The following BCL7A variants were observed in gnomAD, a reference collection of about 807,000 sequenced individuals.
BCL7A encodes B-cell CLL/lymphoma 7 protein family member A.
BCL7A carries 11 observed loss-of-function variants against 28.4 expected under a neutral mutation model. The observed-to-expected ratio is 0.39, with a 90% CI of 0.24 to 0.64. The LOEUF is 0.64. Ranked by LOEUF, BCL7A falls within the 30% of genes least tolerant of loss-of-function variation. The pLI, the probability that BCL7A is intolerant of heterozygous loss-of-function variation, is 0.50. For synonymous variants in BCL7A, 123 were observed against 103.3 expected (o/e 1.19, Z -1.15); for missense variants, 222 against 274.8 (o/e 0.81, Z 1.36).
chr12:122,041,740 G>A (rs1002313015), intron 3 of BCL7A, among the ~76,000 whole-genome samples: 5 of 152,118 alleles, frequency 3.3e-5, no homozygotes, highest in Non-Finnish European at 5.9e-5. Flanking sequence ...CTCCAGCCTG[G>A]GCAACAGAGC....
At chr12:122,052,872 G>T (rs57519437) in intron 4 of BCL7A, among the ~76,000 whole-genome samples, 7 of 104,092 alleles carry the variant, frequency 6.7e-5, no homozygotes, top group Middle Eastern at 3.8e-3. Flanking sequence ...TTTAGTCGGG[G>T]GGGGGGGGGG....
intron 2 of BCL7A, 150 bp downstream of exon 2, chr12:122,030,931 G>A: frequency 1.3e-6 from 1 of 762,290 alleles, no homozygotes; most frequent in African/African-American, 1.7e-5. Context: ...GACCTGGGGA[G>A]GCTGCTGTAC....
chr12:122,048,064 C>T (rs374529814), intron 4 of BCL7A, among the ~76,000 whole-genome samples: 13 of 152,056 alleles, frequency 8.5e-5, no homozygotes, highest in Admixed American at 6.6e-4. Context: ...CCCCCACACC[C>T]GGCTAACTTT....
chr12:122,034,635 C>G (rs939493229), intron 2 of BCL7A, among the ~76,000 whole-genome samples: 1 of 151,136 alleles, frequency 6.6e-6, no homozygotes, highest in Non-Finnish European at 1.5e-5. Flanking sequence ...ATTTGGGAGG[C>G]TGAGGCAGAA....
At chr12:122,051,083 C>T (rs796536242) in intron 4 of BCL7A, among the ~76,000 whole-genome samples, 36 of 152,290 alleles carry the variant, frequency 2.4e-4, no homozygotes, top group African/African-American at 8.4e-4. Flanking sequence ...GCTCTAGAAG[C>T]CCGATTTGAG....
chr12:122,024,177 G>A (rs1355074953), intron 1 of BCL7A, among the ~76,000 whole-genome samples: 1 of 152,350 alleles, frequency 6.6e-6, no homozygotes, highest in African/African-American at 2.4e-5. Flanking sequence ...GCCTCCCTGG[G>A]TTTGGGGAAA....
At chr12:122,035,456 C>CTG (rs755644463) in intron 3 of BCL7A, 29 bp downstream of exon 3, 20 of 1,592,884 alleles carry the variant, frequency 1.3e-5, no homozygotes, top group Non-Finnish European at 1.5e-5. Flanking sequence ...CCAGCCTCTC[C>CTG]TGCCCAGCCC....
chr12:122,028,530 T>C (rs1194132891), intron 1 of BCL7A, among the ~76,000 whole-genome samples: 1 of 152,094 alleles, frequency 6.6e-6, no homozygotes, highest in Non-Finnish European at 1.5e-5. Context: ...TCCTGGCAAT[T>C]TGTCATTCTT....
chr12:122,053,762 T>C (rs1448928431), intron 4 of BCL7A, among the ~76,000 whole-genome samples: 2 of 136,882 alleles, frequency 1.5e-5, no homozygotes, highest in Non-Finnish European at 3.0e-5. Flanking sequence ...AAGACAGGCA[T>C]GAGAAATCAC....
intron 3 of BCL7A, among the ~76,000 whole-genome samples, chr12:122,042,962 G>A (rs1422003817): frequency 2.6e-5 from 4 of 151,288 alleles, no homozygotes; most frequent in African/African-American, 2.4e-5. Context: ...ATATTTAGTC[G>A]AGTCTCCTAG....
Position 122,029,348 on chromosome 12 carries a change from G to C in BCL7A, c.93-1352G>C, listed in dbSNP as rs760339484. Among the ~76,000 whole-genome samples, 1 of 152,202 alleles carries C rather than the reference G, an allele frequency of 6.6e-6. No homozygotes were observed. The highest frequency in any genetic ancestry group is 1.9e-4 in the East Asian group (1 of 5,178). On this transcript the variant is annotated intron_variant, in intron 1 of 5. Transcript: ENST00000261822. The surrounding 1 kb of genome is among the most constrained non-coding windows in gnomAD (Gnocchi z 4.3). ...GGCTGGCTGGGTTTGAGTATGCTCC[G>C]TCATCCCGCAACCCCCGTGGTGACA...
chr12:122,026,525 G>T (rs1331903047), intron 1 of BCL7A, among the ~76,000 whole-genome samples: 1 of 152,234 alleles, frequency 6.6e-6, no homozygotes, highest in Non-Finnish European at 1.5e-5. Context: ...TTGCTGTGAG[G>T]ACTGAGAAAG....
intron 2 of BCL7A, 102 bp downstream of exon 2, chr12:122,030,883 G>T: frequency 6.6e-6 from 8 of 1,207,106 alleles, no homozygotes; most frequent in Non-Finnish European, 9.7e-6. Flanking sequence ...CTGGGGCTCT[G>T]GGACCAAGAG....
chr12:122,040,317 G>C (rs940241276), intron 3 of BCL7A, among the ~76,000 whole-genome samples: 1 of 152,090 alleles, frequency 6.6e-6, no homozygotes, highest in African/African-American at 2.4e-5. Flanking sequence ...GATCGTTTAA[G>C]GTCAGGAGTT....
chr12:122,057,943 A>G (rs149069373), intron 5 of BCL7A, among the ~76,000 whole-genome samples: 1 of 152,128 alleles, frequency 6.6e-6, no homozygotes, highest in African/African-American at 2.4e-5. Context: ...TAATCCAAGC[A>G]GTTTGGGAGG....
chr12:122,022,617 G>C (rs971301864), intron 1 of BCL7A, among the ~76,000 whole-genome samples: 1 of 145,650 alleles, frequency 6.9e-6, no homozygotes, highest in Non-Finnish European at 1.5e-5. Context: ...GAGCTCCATT[G>C]TGCAGGCTCC....
At position 122,030,885 on chromosome 12, in the gene BCL7A, G is replaced by A. The variant is rs577509863; in HGVS notation, c.174+104G>A. 767 of 1,213,516 alleles carry A rather than the reference G, an allele frequency of 6.3e-4. 2 individuals are homozygous for A. The highest frequency in any genetic ancestry group is 1.2e-3 in the Admixed American group (63 of 53,258). 75.2% of individuals were successfully genotyped at this position (1,213,516 alleles called of 1,614,324 possible). ...GCTACCCACCGTGCTGGGGCTCTGG[G>A]ACCAAGAGCCCCTGGGAGTAGAAGG... On this transcript the variant is annotated intron_variant, in intron 2 of 5. Coordinates refer to ENST00000261822, the MANE Select transcript of BCL7A (RefSeq NM_001024808.3).
At chr12:122,025,704 G>C (rs1883611524) in intron 1 of BCL7A, among the ~76,000 whole-genome samples, 1 of 150,674 alleles carries the variant, frequency 6.6e-6, no homozygotes, top group East Asian at 2.0e-4. Context: ...CCAGCACTTT[G>C]GGAGGCCGAG....
chr12:122,024,466 T>TC (rs1883568852), intron 1 of BCL7A, among the ~76,000 whole-genome samples: 2 of 151,528 alleles, frequency 1.3e-5, no homozygotes, highest in South Asian at 2.1e-4. Flanking sequence ...TTTTTTGTTT[T>TC]TTTTTTTTTT....
Sources: gnomAD v4.1 joint callset for allele counts (sites outside exome capture counted in the v4.1 genomes callset) on GRCh38, gnomAD v4.1.1 for gene constraint, Gnocchi (gnomAD v3.1) non-coding constraint, MANE v1.5 for transcripts, NCBI Gene and HGNC (gene_info 2026-07-23, HGNC 2026-07-21) for gene names.